Variants in MXD3 observed in about 807,000 individuals in gnomAD.
MXD3 encodes Max-associated protein 3.
In MXD3, 20 loss-of-function variants were observed where a neutral mutation model predicts 27.5. The ratio of observed to expected loss-of-function variants is 0.73; its 90% CI spans 0.51 to 1.06. The LOEUF (loss-of-function observed/expected upper bound fraction) is 1.06, where lower values mean the gene tolerates loss of function less well. Among genes scored for constraint, MXD3 ranks in the 50% least tolerant of loss-of-function variants. The pLI is 0.00. For missense variants in MXD3, 298 were observed against 291.3 expected (o/e 1.02, Z -0.17); for synonymous variants, 150 against 130.7 (o/e 1.15, Z -1.01).
rs777912693 is a variant in MXD3 at position 177,307,719 on chromosome 5, T to G, written c.506-16A>C. On this transcript the variant is annotated splice_polypyrimidine_tract_variant and intron_variant, in intron 5 of 5. Transcript: ENST00000439742. Reference sequence around the variant, plus strand: ...TCCAGCTCCTCTGCGCGGGGAGGGGTCCGGTCAGAAGACCTGGCTCGCCCC... The same window carrying G: ...TCCAGCTCCTCTGCGCGGGGAGGGGGCCGGTCAGAAGACCTGGCTCGCCCC... 6.2e-7 allele frequency: 1 copy of G among 1,613,582 alleles called. No individual in the cohort carries two copies. Among genetic ancestry groups the G allele is most frequent in the Non-Finnish European group, 8.5e-7 (1 of 1,179,880 alleles).
In MXD3 at chr5:177,310,774, C is replaced by T; in HGVS notation, c.177-77G>A. On this transcript the variant is annotated intron_variant, in intron 2 of 5. Transcript: ENST00000439742. ...CCCAATCCCAGGGCCCCCAGTGGCT[C>T]AAGAGCCACTACAGATGTCTGCCCC... The T allele has an allele frequency of 3.2e-6, 5 of 1,545,722 alleles. No homozygotes were observed. In the South Asian group the frequency reaches 5.7e-5, roughly 17 times the overall value.
chr5:177,312,344 C>T, upstream of MXD3: 1 of 986,006 alleles, frequency 1.0e-6, no homozygotes, highest in Non-Finnish European at 1.2e-6. Context: ...TCTCAAGGAT[C>T]GCTGTTGTCA....
upstream of MXD3, chr5:177,312,186 C>T: frequency 9.8e-7 from 1 of 1,022,526 alleles, no homozygotes; most frequent in Non-Finnish European, 1.2e-6. Context: ...TTGATCTCAG[C>T]TTCCAGCCCC....
At chr5:177,307,132 CTGA>C, downstream of MXD3, 2 of 1,530,836 alleles carry the variant, frequency 1.3e-6, no homozygotes, top group Non-Finnish European at 1.8e-6. Flanking sequence ...GTGATGGGAA[CTGA>C]TATTATTTCC....
At chr5:177,311,074 AGAG>A (rs1761022978) in intron 2 of MXD3, 1 of 533,810 alleles carries the variant, frequency 1.9e-6, no homozygotes, top group African/African-American at 1.9e-5. Flanking sequence ...AGAGGAGAGA[AGAG>A]GAGGAAGCCA....
chr5:177,311,697 G>A (rs1761043704), intron 1 of MXD3, 64 bp downstream of exon 1: 1 of 1,524,120 alleles, frequency 6.6e-7, no homozygotes, highest in African/African-American at 1.4e-5. Context: ...CTGGGAGCCA[G>A]GTCCAGTCCA....
rs1417217630 is a variant in MXD3 at position 177,307,927 on chromosome 5, T to C, written c.359A>G (p.Lys120Arg). The change falls in exon 5 of 6, where the codon AAG (lysine) becomes AGG (arginine). Residue 120 changes from lysine to arginine, a missense_variant. By Grantham distance (26) the Lys-to-Arg change is conservative (BLOSUM62 2). Coordinates refer to ENST00000439742, the MANE Select transcript of MXD3 (RefSeq NM_031300.4). ...CTGCTGCTTGCTGCGCAGCCTCTCC[T>C]TGAGCTGTCGGGCCCGCTGCTCCTG... ...EDQEQRARQL[K>R]ERLRSKQQSL... 6.3e-7 allele frequency: 1 copy of C among 1,587,398 alleles called. No individual in the cohort carries two copies. The highest frequency in any genetic ancestry group is 8.6e-7 in the Non-Finnish European group (1 of 1,166,696).
At chr5:177,305,502 G>A (rs549655789), downstream of MXD3, 9 of 263,562 alleles carry the variant, frequency 3.4e-5, no homozygotes, top group Admixed American at 1.0e-4. Flanking sequence ...CCACCGCGCC[G>A]GGCAAATGTT....
At chr5:177,310,394 C>A (rs993602873) in intron 4 of MXD3, 32 bp downstream of exon 4, 3 of 1,573,048 alleles carry the variant, frequency 1.9e-6, no homozygotes, top group Admixed American at 1.7e-5. Context: ...TACACCAGGG[C>A]AAGCCAGTCC....
chr5:177,311,035 G>C, intron 2 of MXD3: 3 of 566,788 alleles, frequency 5.3e-6, no homozygotes, highest in Non-Finnish European at 9.4e-6. Flanking sequence ...ATTCAAATAG[G>C]AGGGAACAGC....
chr5:177,310,641 C>T lies in MXD3; in HGVS notation c.206+27G>A, dbSNP rs200673527. ...GAGGGCAGTGGCCCCTGGGGGCTGG[C>T]GCTGTCAGGGCAGGACTGGGACTCA... On this transcript the variant is annotated intron_variant, in intron 3 of 5. Coordinates refer to ENST00000439742, the MANE Select transcript of MXD3 (RefSeq NM_031300.4). 231 of 1,614,016 alleles carry T rather than the reference C, an allele frequency of 1.4e-4. No individual in the cohort carries two copies. The African/African-American group carries it at 2.5e-3, about 17-fold the overall frequency.
intron 1 of MXD3, 65 bp from the exon 2 acceptor site, chr5:177,311,549 G>T: frequency 7.7e-7 from 1 of 1,296,192 alleles, no homozygotes; most frequent in Non-Finnish European, 1.0e-6. Flanking sequence ...GCAGCCCCAG[G>T]CACAGCACGG....
intron 4 of MXD3, among the ~76,000 whole-genome samples, chr5:177,308,332 G>A (rs1276575639): frequency 3.9e-5 from 6 of 152,160 alleles, no homozygotes; most frequent in African/African-American, 1.4e-4. Context: ...GCTGTCATGG[G>A]AAACAGGCCC....
chr5:177,307,721 C>T lies in MXD3; in HGVS notation c.506-18G>A, dbSNP rs975612485. 3.1e-6 allele frequency: 5 copies of T among 1,613,718 alleles called. No individual in the cohort carries two copies. The highest frequency in any genetic ancestry group is 1.1e-5 in the South Asian group (1 of 91,082). On this transcript the variant is annotated intron_variant, in intron 5 of 5. Coordinates refer to ENST00000439742, the MANE Select transcript of MXD3 (RefSeq NM_031300.4). ...CAGCTCCTCTGCGCGGGGAGGGGTC[C>T]GGTCAGAAGACCTGGCTCGCCCCGA...
rs909183932 is a variant in MXD3, at chr5:177,311,407, G to T, written c.148C>A (p.Gln50Lys). ...PIHRRKKRPP[Q>K]APGAQDSGRS... ...CCGCTGTCCTGCGCGCCAGGAGCCT[G>T]GGGGGGTCGCTTCTTCCTCCTGTGG... The change falls in exon 2 of 6, where the codon CAG becomes AAG. Residue 50 changes from glutamine to lysine, a missense_variant. Physicochemically the swap from Gln to Lys is moderately conservative, Grantham distance 53. Coordinates refer to ENST00000439742, the MANE Select transcript of MXD3 (RefSeq NM_031300.4). 2 of 1,436,490 alleles carry T rather than the reference G, an allele frequency of 1.4e-6. No individual in the cohort carries two copies. The highest frequency in any genetic ancestry group is 1.8e-6 in the Non-Finnish European group (2 of 1,100,900). 89.0% of individuals were successfully genotyped at this position (1,436,490 alleles called of 1,614,324 possible).
chr5:177,306,697 T>C, downstream of MXD3: 4 of 1,375,186 alleles, frequency 2.9e-6, no homozygotes, highest in Non-Finnish European at 3.9e-6. Flanking sequence ...GTTGTGGGGA[T>C]GCAGTTTGGC....
Position 177,307,769 on chromosome 5 carries a change from C to G in MXD3, c.505+12G>C. On this transcript the variant is annotated intron_variant, in intron 5 of 5. Transcript: ENST00000439742. ...CGAGGGCCACACAACCCCTCAGCCT[C>G]GGGGCACTCACCTTGGTCTGAGTCT... The G allele has an allele frequency of 6.2e-7, 1 of 1,613,132 alleles. No homozygotes were observed. Among genetic ancestry groups the G allele is most frequent in the Non-Finnish European group, 8.5e-7 (1 of 1,179,758 alleles).
upstream of MXD3, chr5:177,312,066 G>A (rs921066916): frequency 2.8e-5 from 34 of 1,203,846 alleles, no homozygotes; most frequent in East Asian, 5.1e-5. Flanking sequence ...ACTTTCCAGG[G>A]GCAGGTAAGG....
Position 177,311,437 on chromosome 5 carries a change from G to C in MXD3, c.118C>G (p.Pro40Ala). ...GGTCGCTTCTTCCTCCTGTGGATGG[G>C]GCCTGGACTGCGATGCGGGCACAGG... is the stretch of plus-strand genomic sequence containing the variant. ...ASLCPHRSPG[P>A]IHRRKKRPPQ... is the part of the protein sequence containing the mutation. Residue 40 changes from proline to alanine, a missense_variant, in exon 2 of 6, where the codon CCC (proline) becomes GCC (alanine). By Grantham distance (27) the Pro-to-Ala change is conservative. Coordinates refer to ENST00000439742, the MANE Select transcript of MXD3 (RefSeq NM_031300.4). 6.9e-7 allele frequency: 1 copy of C among 1,446,886 alleles called. No homozygotes were observed. The highest frequency in any genetic ancestry group is 9.1e-7 in the Non-Finnish European group (1 of 1,104,644). 89.6% of individuals were successfully genotyped at this position (1,446,886 alleles called of 1,614,324 possible).
Sources: gnomAD v4.1 joint callset for allele counts (sites outside exome capture counted in the v4.1 genomes callset) on GRCh38, gnomAD v4.1.1 for gene constraint, MANE v1.5 for transcripts, NCBI Gene and HGNC (gene_info 2026-07-23, HGNC 2026-07-21) for gene names.